FNDC4: variants seen among roughly 807,000 people sequenced by gnomAD.
FNDC4 encodes fibronectin type III domain-containing protein 4.
A neutral mutation model predicts 25.1 loss-of-function variants in FNDC4; 11 were observed. That is an observed-to-expected ratio of 0.44 (90% confidence interval 0.28 to 0.73). The LOEUF is 0.73. FNDC4 is among the 30% of genes least tolerant of loss of function. FNDC4 has a pLI of 0.16. For synonymous variants in FNDC4, 136 were observed against 118.8 expected (o/e 1.14, Z -0.94); for missense variants, 250 against 304.3 (o/e 0.82, Z 1.33).
Position 27,494,267 on chromosome 2 carries a change from A to G in FNDC4, c.249+84T>C, listed in dbSNP as rs1669327006. 2 of 1,413,808 alleles carry G rather than the reference A, an allele frequency of 1.4e-6. No individual in the cohort carries two copies. The highest frequency in any genetic ancestry group is 2.8e-5 in the African/African-American group (2 of 70,874). The allele number at this position is 1,413,808 out of a possible 1,614,324, so 87.6% of individuals were successfully genotyped here. On this transcript the variant is annotated intron_variant, in intron 3 of 6. Coordinates refer to ENST00000264703, the MANE Select transcript of FNDC4 (RefSeq NM_022823.3). The surrounding 1 kb of genome is among the most constrained non-coding windows in gnomAD (Gnocchi z 4.6). ...AGGGCAGCCTGAGCCAGGATACGCC[A>G]GCTTCCAGATCCCCCCCACTTAAGT...
rs1314882552 is a variant in FNDC4 at position 27,492,573 on chromosome 2, A to G, written c.669+93T>C. On this transcript the variant is annotated intron_variant, in intron 6 of 6. Coordinates refer to ENST00000264703, the MANE Select transcript of FNDC4 (RefSeq NM_022823.3). The surrounding 1 kb of genome is among the most constrained non-coding windows in gnomAD (Gnocchi z 4.1). ...CCCCATCCCAGATCTTCCATTCTCC[A>G]TCTTTTTCTGCCCCTCTTTGACCTT... 5 of 1,598,796 alleles carry G rather than the reference A, an allele frequency of 3.1e-6. No individual in the cohort carries two copies. The highest frequency in any genetic ancestry group is 4.5e-5 in the East Asian group (2 of 44,794).
At position 27,494,263 on chromosome 2, in the gene FNDC4, C is replaced by T; in HGVS notation, c.249+88G>A. On this transcript the variant is annotated intron_variant, in intron 3 of 6. Transcript: ENST00000264703. The surrounding 1 kb of genome is among the most constrained non-coding windows in gnomAD (Gnocchi z 4.6). ...GAAAAGGGCAGCCTGAGCCAGGATA[C>T]GCCAGCTTCCAGATCCCCCCCACTT... The T allele has an allele frequency of 7.1e-7, 1 of 1,400,710 alleles. No individual in the cohort carries two copies. The allele number at this position is 1,400,710 out of a possible 1,614,324, so 86.8% of individuals were successfully genotyped here.
At position 27,494,548 on chromosome 2, in the gene FNDC4, T is replaced by A. The variant is rs765595463; in HGVS notation, c.132A>T (p.Ala44=). 4 of 1,612,416 alleles carry A rather than the reference T, an allele frequency of 2.5e-6. No individual in the cohort carries two copies. The East Asian group carries it at 8.9e-5, about 36-fold the overall frequency. ...LVSCDLGFVR[A]DRPPSPVNVT... ...TCAGCCCCGTTCCCCTTTACTTACC[T>A]GCTCGCACGAAGCCCAGGTCACAGC... Residue 44 remains alanine, a splice_region_variant and synonymous_variant, in exon 2 of 7, where the codon GCA becomes GCT. Coordinates refer to ENST00000264703, the MANE Select transcript of FNDC4 (RefSeq NM_022823.3). The surrounding 1 kb of genome is among the most constrained non-coding windows in gnomAD (Gnocchi z 4.6).
At position 27,492,566 on chromosome 2, in the gene FNDC4, A is replaced by G; in HGVS notation, c.670-88T>C. The G allele has an allele frequency of 6.3e-7, 1 of 1,596,282 alleles. No individual in the cohort carries two copies. The highest frequency in any genetic ancestry group is 8.6e-7 in the Non-Finnish European group (1 of 1,164,048). On this transcript the variant is annotated intron_variant, in intron 6 of 6. Transcript: ENST00000264703. The surrounding 1 kb of genome is among the most constrained non-coding windows in gnomAD (Gnocchi z 4.1). ...CAGCCTCCCCCATCCCAGATCTTCCATTCTCCATCTTTTTCTGCCCCTCTT... is the reference window on the plus strand; with the variant it reads ...CAGCCTCCCCCATCCCAGATCTTCCGTTCTCCATCTTTTTCTGCCCCTCTT...
chr2:27,494,308 A>T lies in FNDC4; in HGVS notation c.249+43T>A. ...CCACTTAAGTGAAGAAATGTGCCGA[A>T]ATCCAAGGACACAGGTTGGGGGAGC... On this transcript the variant is annotated intron_variant, in intron 3 of 6. Coordinates refer to ENST00000264703, the MANE Select transcript of FNDC4 (RefSeq NM_022823.3). This position sits in a 1 kb window ranked among gnomAD's most constrained non-coding sequence, Gnocchi z 4.6. 6.4e-7 allele frequency: 1 copy of T among 1,554,134 alleles called. No individual in the cohort carries two copies. The highest frequency in any genetic ancestry group is 1.4e-5 in the African/African-American group (1 of 73,844).
rs1669335310 is a variant in FNDC4, at chr2:27,494,529, C to T, written c.133+18G>A. On this transcript the variant is annotated intron_variant, in intron 2 of 6. Coordinates refer to ENST00000264703, the MANE Select transcript of FNDC4 (RefSeq NM_022823.3). The surrounding 1 kb of genome is among the most constrained non-coding windows in gnomAD (Gnocchi z 4.6). ...GACTAGCTGTGGTTGACCCTCAGCC[C>T]CGTTCCCCTTTACTTACCTGCTCGC... is the stretch of plus-strand genomic sequence containing the variant. The T allele has an allele frequency of 6.2e-7, 1 of 1,612,382 alleles. No homozygotes were observed. Among genetic ancestry groups the T allele is most frequent in the African/African-American group, 1.3e-5 (1 of 75,004 alleles).
At chr2:27,493,521 G>T in intron 4 of FNDC4, 43 bp from the exon 5 acceptor site, 1 of 1,427,052 alleles carries the variant, frequency 7.0e-7, no homozygotes, top group Non-Finnish European at 9.9e-7. Flanking sequence ...GGTTACTGGG[G>T]TCCATACTGC....
Position 27,492,596 on chromosome 2 carries a change from C to G in FNDC4, c.669+70G>C. ...CCATCTTTTTCTGCCCCTCTTTGAC[C>G]TTCTTCCTTTCCCTGGCTGCCCCTC... On this transcript the variant is annotated intron_variant, in intron 6 of 6. Coordinates refer to ENST00000264703, the MANE Select transcript of FNDC4 (RefSeq NM_022823.3). The surrounding 1 kb of genome is among the most constrained non-coding windows in gnomAD (Gnocchi z 4.1). The G allele has an allele frequency of 1.2e-6, 2 of 1,608,958 alleles. No homozygotes were observed. Among genetic ancestry groups the G allele is most frequent in the South Asian group, 1.1e-5 (1 of 90,934 alleles).
Position 27,492,612 on chromosome 2 carries a change from G to A in FNDC4, c.669+54C>T. On this transcript the variant is annotated intron_variant, in intron 6 of 6. Transcript: ENST00000264703. The surrounding 1 kb of genome is among the most constrained non-coding windows in gnomAD (Gnocchi z 4.1). ...CTCTTTGACCTTCTTCCTTTCCCTGGCTGCCCCTCAGGGGCAGAATCACCC... is the reference window on the plus strand; with the variant it reads ...CTCTTTGACCTTCTTCCTTTCCCTGACTGCCCCTCAGGGGCAGAATCACCC... 1 of 1,607,298 alleles carries A rather than the reference G, an allele frequency of 6.2e-7. No homozygotes were observed. Among genetic ancestry groups the A allele is most frequent in the Non-Finnish European group, 8.5e-7 (1 of 1,174,168 alleles).
intron 5 of FNDC4, 47 bp downstream of exon 5, chr2:27,493,342 T>A: frequency 6.7e-7 from 1 of 1,484,198 alleles, no homozygotes; most frequent in Non-Finnish European, 9.4e-7. Flanking sequence ...CTTTGCCACC[T>A]CACACCTTTA....
Position 27,494,094 on chromosome 2 carries a change from T to C in FNDC4, c.290A>G (p.Asn97Ser). ...GPGQRVIREV[N>S]TTTRACALWG... The stretch of plus-strand genomic sequence containing the variant: ...GAGGGCACAGGCCCGGGTGGTGGTG[T>C]TCACCTCCCGAATCACACGCTGCCC... Residue 97 changes from asparagine (N) to serine (S), a missense_variant, in exon 4 of 7, where the codon AAC becomes AGC. By Grantham distance (46) the Asn-to-Ser change is conservative. Transcript: ENST00000264703. This position sits in a 1 kb window ranked among gnomAD's most constrained non-coding sequence, Gnocchi z 4.6. 1 of 1,614,086 alleles carries C rather than the reference T, an allele frequency of 6.2e-7. No individual in the cohort carries two copies.
At position 27,494,530 on chromosome 2, in the gene FNDC4, C is replaced by G. The variant is rs755864147; in HGVS notation, c.133+17G>C. On this transcript the variant is annotated intron_variant, in intron 2 of 6. Coordinates refer to ENST00000264703, the MANE Select transcript of FNDC4 (RefSeq NM_022823.3). The surrounding 1 kb of genome is among the most constrained non-coding windows in gnomAD (Gnocchi z 4.6). ...ACTAGCTGTGGTTGACCCTCAGCCC[C>G]GTTCCCCTTTACTTACCTGCTCGCA... 6.4e-5 allele frequency: 103 copies of G among 1,612,256 alleles called. No homozygotes were observed. Among genetic ancestry groups the G allele is most frequent in the Non-Finnish European group, 8.7e-5 (103 of 1,179,220 alleles).
In FNDC4 at chr2:27,494,280, C is replaced by T. The variant is rs929612395; in HGVS notation, c.249+71G>A. The T allele has an allele frequency of 1.4e-6, 2 of 1,443,774 alleles. No homozygotes were observed. The highest frequency in any genetic ancestry group is 1.4e-5 in the African/African-American group (1 of 71,450). The allele number at this position is 1,443,774 out of a possible 1,614,324, so 89.4% of individuals were successfully genotyped here. On this transcript the variant is annotated intron_variant, in intron 3 of 6. Transcript: ENST00000264703. The surrounding 1 kb of genome is among the most constrained non-coding windows in gnomAD (Gnocchi z 4.6). ...CCAGGATACGCCAGCTTCCAGATCCCCCCCACTTAAGTGAAGAAATGTGCC... is the reference window on the plus strand; with the variant it reads ...CCAGGATACGCCAGCTTCCAGATCCTCCCCACTTAAGTGAAGAAATGTGCC...
chr2:27,494,894 G>A lies in FNDC4; in HGVS notation c.-41C>T. ...CACACCCACCTCCGCCGGTCCTCGCGGTTGGTCAGGCCTCGGGGGGCTGCT... is the reference window on the plus strand; with the variant it reads ...CACACCCACCTCCGCCGGTCCTCGCAGTTGGTCAGGCCTCGGGGGGCTGCT... On this transcript the variant is annotated 5_prime_UTR_variant, in exon 1 of 7. Coordinates refer to ENST00000264703, the MANE Select transcript of FNDC4 (RefSeq NM_022823.3). This position sits in a 1 kb window ranked among gnomAD's most constrained non-coding sequence, Gnocchi z 4.6. 2.0e-6 allele frequency: 1 copy of A among 492,916 alleles called. No individual in the cohort carries two copies. The highest frequency in any genetic ancestry group is 3.6e-6 in the Non-Finnish European group (1 of 280,612). 30.5% of individuals were successfully genotyped at this position (492,916 alleles called of 1,614,324 possible).
At position 27,492,859 on chromosome 2, in the gene FNDC4, C is replaced by G; in HGVS notation, c.545-69G>C. Reference sequence around the variant, plus strand: ...TCATAGGGAGATACCTACGTAGCTTCTAGAAAATCCATGAAGAACATCCTG... The same window carrying G: ...TCATAGGGAGATACCTACGTAGCTTGTAGAAAATCCATGAAGAACATCCTG... On this transcript the variant is annotated intron_variant, in intron 5 of 6. Transcript: ENST00000264703. The surrounding 1 kb of genome is among the most constrained non-coding windows in gnomAD (Gnocchi z 4.1). The G allele has an allele frequency of 1.9e-6, 3 of 1,587,570 alleles. No homozygotes were observed. The South Asian group carries it at 3.3e-5, about 18-fold the overall frequency.
chr2:27,492,589 C>G lies in FNDC4; in HGVS notation c.669+77G>C. On this transcript the variant is annotated intron_variant, in intron 6 of 6. Coordinates refer to ENST00000264703, the MANE Select transcript of FNDC4 (RefSeq NM_022823.3). The surrounding 1 kb of genome is among the most constrained non-coding windows in gnomAD (Gnocchi z 4.1). ...CCATTCTCCATCTTTTTCTGCCCCT[C>G]TTTGACCTTCTTCCTTTCCCTGGCT... 4.4e-6 allele frequency: 7 copies of G among 1,606,990 alleles called. No homozygotes were observed. The South Asian group carries it at 7.7e-5, about 18-fold the overall frequency.
rs1330788011 is a variant in FNDC4 at position 27,492,788 on chromosome 2, C to A, written c.547G>T (p.Val183Leu). 1 of 1,614,102 alleles carries A rather than the reference C, an allele frequency of 6.2e-7. No individual in the cohort carries two copies. The highest frequency in any genetic ancestry group is 2.2e-5 in the East Asian group (1 of 44,846). ...TACTGACGGCAGAACAGCCCAATTA[C>A]AGCTGAAACACAATACAGTCTGAGC... Reference protein sequence around the residue: ...IVVVLLMWAAVIGLFCRQYDI... With the variant: ...IVVVLLMWAALIGLFCRQYDI... The change falls in exon 6 of 7, where the codon GTA (valine) becomes TTA (leucine). Residue 183 changes from valine (V) to leucine (L), a missense_variant and splice_region_variant. By Grantham distance (32) the Val-to-Leu change is conservative. Transcript: ENST00000264703. The surrounding 1 kb of genome is among the most constrained non-coding windows in gnomAD (Gnocchi z 4.1).
Position 27,494,251 on chromosome 2 carries a change from T to C in FNDC4, c.249+100A>G, listed in dbSNP as rs753226477. 7.2e-7 allele frequency: 1 copy of C among 1,393,574 alleles called. No homozygotes were observed. The highest frequency in any genetic ancestry group is 2.4e-5 in the East Asian group (1 of 41,848). The allele number at this position is 1,393,574 out of a possible 1,614,324, so 86.3% of individuals were successfully genotyped here. A position where few individuals can be genotyped will look rare whatever the true frequency, so the allele number is the denominator to read the frequency against. On this transcript the variant is annotated intron_variant, in intron 3 of 6. Coordinates refer to ENST00000264703, the MANE Select transcript of FNDC4 (RefSeq NM_022823.3). This position sits in a 1 kb window ranked among gnomAD's most constrained non-coding sequence, Gnocchi z 4.6. ...GGGGAGTAGCGTGAAAAGGGCAGCC[T>C]GAGCCAGGATACGCCAGCTTCCAGA...
Position 27,494,670 on chromosome 2 carries a change from C to T in FNDC4, c.10G>A (p.Gly4Arg), listed in dbSNP as rs774066910. 1 of 1,552,588 alleles carries T rather than the reference C, an allele frequency of 6.4e-7. No individual in the cohort carries two copies. The highest frequency in any genetic ancestry group is 8.7e-7 in the Non-Finnish European group (1 of 1,151,928). The part of the protein sequence containing the change: MPS[G>R]CHSSPPSGLR... ...CCGCTGGGGGGGGAACTGTGGCATC[C>T]GCTTGGCATCCGCTTGACATCCAGG... The change falls in exon 2 of 7, where the codon GGA becomes AGA. Residue 4 changes from glycine to arginine, a missense_variant. By Grantham distance (125) the Gly-to-Arg change is moderately radical. Transcript: ENST00000264703. The surrounding 1 kb of genome is among the most constrained non-coding windows in gnomAD (Gnocchi z 4.6).
Sources: gnomAD v4.1 joint callset for allele counts on GRCh38, gnomAD v4.1.1 for gene constraint, Gnocchi (gnomAD v3.1) non-coding constraint, MANE v1.5 for transcripts, NCBI Gene and HGNC (gene_info 2026-07-23, HGNC 2026-07-21) for gene names.